Variants in IGF1R observed in about 807,000 individuals in gnomAD.
IGF1R encodes insulin-like growth factor 1 receptor.
IGF1R carries 44 observed loss-of-function variants against 144.6 expected under a neutral mutation model. That is an observed-to-expected ratio of 0.30 (90% CI 0.24 to 0.39). The LOEUF (loss-of-function observed/expected upper bound fraction) is 0.39, where lower values mean the gene tolerates loss of function less well. Ranked by LOEUF, IGF1R falls within the 10% of genes least tolerant of loss-of-function variation. The pLI, the probability that IGF1R is intolerant of heterozygous loss-of-function variation, is 1.00. For missense variants in IGF1R, 1,355 were observed against 1,833.7 expected (o/e 0.74, Z 4.77); for synonymous variants, 795 against 722.8 (o/e 1.10, Z -1.60).
intron 2 of IGF1R, among the ~76,000 whole-genome samples, chr15:98,889,309 A>C (rs1719488619): frequency 6.6e-6 from 1 of 152,158 alleles, no homozygotes; most frequent in Non-Finnish European, 1.5e-5. Context: ...CCAAGTTCTG[A>C]TATCTGTTTT....
intron 2 of IGF1R, among the ~76,000 whole-genome samples, chr15:98,759,031 T>C (rs1323091237): frequency 6.6e-6 from 1 of 152,236 alleles, no homozygotes; most frequent in Admixed American, 6.5e-5. Context: ...ATACAGCATG[T>C]TTCTCTTACA....
At chr15:98,765,906 A>G (rs2049443820) in intron 2 of IGF1R, among the ~76,000 whole-genome samples, 1 of 152,058 alleles carries the variant, frequency 6.6e-6, no homozygotes, top group African/African-American at 2.4e-5. Flanking sequence ...CCTGCTAGTG[A>G]TGAGTATCCC....
chr15:98,938,215 AC>A (rs2016231970), intron 17 of IGF1R, among the ~76,000 whole-genome samples: 1 of 152,166 alleles, frequency 6.6e-6, no homozygotes, highest in Admixed American at 6.5e-5. Context: ...CCACTGTGAT[AC>A]CCCATGTGGA....
chr15:98,872,875 G>A lies in IGF1R; in HGVS notation c.641-18450G>A, dbSNP rs566669374. Among the ~76,000 whole-genome samples, 16 of 151,620 alleles carry A rather than the reference G, an allele frequency of 1.1e-4. No homozygotes were observed. The South Asian group carries it at 3.3e-3, about 32-fold the overall frequency. ...AAAAACAAAACAGACAGACAGACAT[G>A]ACTTGTGCCCTTAAAAATGCAGCCA... is the stretch of plus-strand genomic sequence containing the variant. On this transcript the variant is annotated intron_variant, in intron 2 of 20. Coordinates refer to ENST00000650285, the MANE Select transcript of IGF1R (RefSeq NM_000875.5).
chr15:98,734,089 G>A (rs1001067727), intron 2 of IGF1R, among the ~76,000 whole-genome samples: 4 of 152,164 alleles, frequency 2.6e-5, no homozygotes, highest in African/African-American at 7.2e-5. Context: ...AGCGCGCATC[G>A]TATAAATCAA....
Position 98,830,770 on chromosome 15 carries a change from A to G in IGF1R, c.641-60555A>G, listed in dbSNP as rs139777591. Among the ~76,000 whole-genome samples the G allele has an allele frequency of 7.1e-3, 1,082 of 152,088 alleles. 15 individuals carry two copies. Among genetic ancestry groups the G allele is most frequent in the African/African-American group, 0.025 (1,047 of 41,482 alleles). The stretch of plus-strand genomic sequence containing the variant: ...AGGTGTGCGCCACCACACCCAGCTA[A>G]TTTTTGTATTTTTAGTAAAGATGGG... On this transcript the variant is annotated intron_variant, in intron 2 of 20. Transcript: ENST00000650285.
chr15:98,774,235 G>C (rs1328085775), intron 2 of IGF1R, among the ~76,000 whole-genome samples: 2 of 152,138 alleles, frequency 1.3e-5, no homozygotes, highest in African/African-American at 4.8e-5. Flanking sequence ...TGCCTGTTAA[G>C]TCACGTTGGC....
intron 1 of IGF1R, among the ~76,000 whole-genome samples, chr15:98,694,808 C>T (rs144845742): frequency 1.4e-4 from 22 of 152,264 alleles, no homozygotes; most frequent in African/African-American, 2.4e-4. Flanking sequence ...ATGGGTGCGC[C>T]GAAGTCGGGG....
chr15:98,821,292 C>CG (rs1448191636), intron 2 of IGF1R, among the ~76,000 whole-genome samples: 1 of 151,256 alleles, frequency 6.6e-6, no homozygotes, highest in Non-Finnish European at 1.5e-5. Context: ...CTCCCCCCCC[C>CG]CTTTTTAAAC....
At chr15:98,759,103 C>T (rs1274385978) in intron 2 of IGF1R, among the ~76,000 whole-genome samples, 1 of 152,202 alleles carries the variant, frequency 6.6e-6, no homozygotes, top group Non-Finnish European at 1.5e-5. Flanking sequence ...GCAAATCATA[C>T]ATTCCATCAA....
intron 2 of IGF1R, among the ~76,000 whole-genome samples, chr15:98,886,339 G>A (rs780700426): frequency 1.3e-5 from 2 of 152,156 alleles, no homozygotes; most frequent in African/African-American, 2.4e-5. Context: ...GCAGTGCCTC[G>A]TTTTTATGTG....
intron 2 of IGF1R, among the ~76,000 whole-genome samples, chr15:98,728,531 C>G (rs1596241561): frequency 6.6e-6 from 1 of 152,258 alleles, no homozygotes; most frequent in African/African-American, 2.4e-5. Flanking sequence ...TTGAATAGGT[C>G]TCATGACATG....
intron 2 of IGF1R, among the ~76,000 whole-genome samples, chr15:98,833,727 G>A (rs1438265309): frequency 1.3e-5 from 2 of 152,162 alleles, no homozygotes; most frequent in East Asian, 1.9e-4. Context: ...GTTTTTGACA[G>A]GGAGATTTAT....
chr15:98,698,027 G>A (rs1298063963), intron 1 of IGF1R, among the ~76,000 whole-genome samples: 4 of 140,592 alleles, frequency 2.8e-5, no homozygotes, highest in Admixed American at 7.2e-5. Context: ...GAGCCGCCGC[G>A]CCTGGCCTTC....
intron 2 of IGF1R, among the ~76,000 whole-genome samples, chr15:98,739,210 G>A (rs1171610624): frequency 6.6e-6 from 1 of 152,162 alleles, no homozygotes; most frequent in East Asian, 1.9e-4. Flanking sequence ...TCCAGGAAGT[G>A]GTGGTGGCTG....
chr15:98,896,605 A>G, intron 3 of IGF1R, 152 bp from the exon 4 acceptor site: 1 of 753,330 alleles, frequency 1.3e-6, no homozygotes, highest in Non-Finnish European at 2.2e-6. Flanking sequence ...CTTGGGGGTG[A>G]GATACCATGT....
At chr15:98,915,285 G>T (rs2015195114) in intron 8 of IGF1R, among the ~76,000 whole-genome samples, 2 of 152,204 alleles carry the variant, frequency 1.3e-5, no homozygotes, top group African/African-American at 4.8e-5. Flanking sequence ...CATTCTGCTG[G>T]TGACAGAGTC....
chr15:98,937,275 C>T (rs187137028), intron 17 of IGF1R, among the ~76,000 whole-genome samples: 6 of 152,270 alleles, frequency 3.9e-5, no homozygotes, highest in Admixed American at 2.0e-4. Context: ...TTCTTGCCAG[C>T]ATCGATTGAG....
At chr15:98,875,715 A>G (rs897464581) in intron 2 of IGF1R, among the ~76,000 whole-genome samples, 1 of 152,080 alleles carries the variant, frequency 6.6e-6, no homozygotes, top group Non-Finnish European at 1.5e-5. Context: ...AAAATCAGCT[A>G]ATGTTTGGGA....
Sources: allele counts gnomAD v4.1 joint callset (sites outside exome capture counted in the v4.1 genomes callset), GRCh38; gene constraint gnomAD v4.1.1; transcripts MANE v1.5; gene names NCBI Gene and HGNC (gene_info 2026-07-23, HGNC 2026-07-21).